Variants in BCL2L11 observed in about 807,000 individuals in gnomAD.
The protein encoded by BCL2L11 is BCL2 like 11.
Under a neutral mutation model 20.6 loss-of-function variants are expected in BCL2L11, and 15 were observed. That is an observed-to-expected ratio of 0.73 (90% CI 0.49 to 1.12). The LOEUF is 1.12. Among genes scored for constraint, BCL2L11 ranks in the 50% most tolerant of loss-of-function variants. The probability of loss-of-function intolerance (pLI) is 0.00; values close to 1 mark genes in which losing one functional copy is unlikely to be tolerated. For missense variants in BCL2L11, 292 were observed against 260.9 expected, an observed-to-expected ratio of 1.12 and a Z score of -0.82; for synonymous variants, 108 against 92.8, an observed-to-expected ratio of 1.16 and a Z score of -0.94.
At chr2:111,146,089 A>G in intron 2 of BCL2L11, 1 of 985,316 alleles carries the variant, frequency 1.0e-6, no homozygotes, top group Middle Eastern at 5.2e-4. Context: ...TGTGCTTTAA[A>G]AAAAAAATTT....
chr2:111,160,266 C>A (rs1375173736), intron 3 of BCL2L11, among the ~76,000 whole-genome samples: 1 of 152,236 alleles, frequency 6.6e-6, no homozygotes, highest in Admixed American at 6.5e-5. Flanking sequence ...CACTTCCTCT[C>A]TGGCCAGTGG....
rs558473045 is a variant in BCL2L11, at chr2:111,123,301, A to G, written c.-13-432A>G. 3.9e-5 allele frequency: 38 copies of G among 985,512 alleles called. No individual in the cohort carries two copies. The East Asian group carries it at 4.1e-3, about 106-fold the overall frequency. The allele number at this position is 985,512 out of a possible 1,614,324, so 61.0% of individuals were successfully genotyped here. A position where few individuals can be genotyped will look rare whatever the true frequency, so the allele number is the denominator to read the frequency against. ...TTTCGGCAAACAATGGGGCCGGAGC[A>G]GGGAACGCGGCCAGCCGCCTGCAAT... On this transcript the variant is annotated intron_variant, in intron 1 of 3. Coordinates refer to ENST00000393256, the MANE Select transcript of BCL2L11 (RefSeq NM_138621.5).
intron 2 of BCL2L11, among the ~76,000 whole-genome samples, chr2:111,138,776 G>A (rs2075341697): frequency 6.6e-6 from 1 of 152,174 alleles, no homozygotes; most frequent in African/African-American, 2.4e-5. Flanking sequence ...GTCGGGTCCT[G>A]CCTGCCCTCC....
At chr2:111,128,898 A>T in intron 2 of BCL2L11, 1 of 1,297,574 alleles carries the variant, frequency 7.7e-7, no homozygotes, top group Non-Finnish European at 1.0e-6. Flanking sequence ...AAAATGCACA[A>T]TTAGATTTGT....
intron 2 of BCL2L11, among the ~76,000 whole-genome samples, chr2:111,144,288 G>C (rs2076217500): frequency 6.6e-6 from 1 of 152,190 alleles, no homozygotes; most frequent in Non-Finnish European, 1.5e-5. Context: ...TTTTCATCCA[G>C]TGGCTCAGCG....
rs144112930 is a variant in BCL2L11, at chr2:111,151,798, A to G, written c.498+1651A>G. The G allele has an allele frequency of 4.6e-6, 7 of 1,518,104 alleles. No homozygotes were observed. The African/African-American group carries it at 6.9e-5, about 15-fold the overall frequency. 94.0% of individuals were successfully genotyped at this position (1,518,104 alleles called of 1,614,324 possible). A position where few individuals can be genotyped will look rare whatever the true frequency, so the allele number is the denominator to read the frequency against. ...GAAGTGTGACATTGATGGACTTAAG[A>G]ATTTCTTAAAATACTGTCTTAAGCT... On this transcript the variant is annotated intron_variant, in intron 3 of 3. Transcript: ENST00000393256.
intron 3 of BCL2L11, among the ~76,000 whole-genome samples, chr2:111,162,122 CG>C (rs2078636057): frequency 6.6e-6 from 1 of 152,204 alleles, no homozygotes; most frequent in African/African-American, 2.4e-5. Context: ...TTTTGCAATA[CG>C]GGCATACACT....
At chr2:111,152,479 A>C (rs2077369263) in intron 3 of BCL2L11, among the ~76,000 whole-genome samples, 3 of 152,262 alleles carry the variant, frequency 2.0e-5, no homozygotes, top group Admixed American at 2.0e-4. Flanking sequence ...ATATGAATGC[A>C]TGACTCCACA....
chr2:111,145,223 G>T (rs935571152), intron 2 of BCL2L11, among the ~76,000 whole-genome samples: 1 of 152,120 alleles, frequency 6.6e-6, no homozygotes, highest in African/African-American at 2.4e-5. Flanking sequence ...AATGAGGGTC[G>T]CACCACCTCG....
At chr2:111,131,898 T>G (rs373970688) in intron 2 of BCL2L11, 28 of 152,144 alleles carry the variant, frequency 1.8e-4, no homozygotes, top group East Asian at 1.2e-3. Context: ...AATATCAAAC[T>G]AAGGACAGGA....
At chr2:111,139,556 G>A (rs1376450871) in intron 2 of BCL2L11, among the ~76,000 whole-genome samples, 1 of 152,182 alleles carries the variant, frequency 6.6e-6, no homozygotes, top group Non-Finnish European at 1.5e-5. Flanking sequence ...AACTCCTTTA[G>A]TGAGAAGACA....
At position 111,160,713 on chromosome 2, in the gene BCL2L11, A is replaced by G. The variant is rs530495081; in HGVS notation, c.499-3420A>G. Among the ~76,000 whole-genome samples the G allele has an allele frequency of 1.3e-4, 20 of 152,340 alleles. No individual in the cohort carries two copies. In the South Asian group the frequency reaches 3.9e-3, roughly 30 times the overall value. Reference sequence around the variant, plus strand: ...GTGAGAGAGGAGAGAACTGTAGTATATGGTCACTTCAGTTGTAACTTACTA... The same window carrying G: ...GTGAGAGAGGAGAGAACTGTAGTATGTGGTCACTTCAGTTGTAACTTACTA... On this transcript the variant is annotated intron_variant, in intron 3 of 3. Coordinates refer to ENST00000393256, the MANE Select transcript of BCL2L11 (RefSeq NM_138621.5).
intron 3 of BCL2L11, among the ~76,000 whole-genome samples, chr2:111,158,514 A>G (rs979973538): frequency 6.6e-6 from 1 of 151,756 alleles, no homozygotes; most frequent in African/African-American, 2.4e-5. Context: ...ACAGTCCAAA[A>G]TTCAGCCTCC....
At chr2:111,135,534 C>A (rs2074707435) in intron 2 of BCL2L11, among the ~76,000 whole-genome samples, 1 of 151,808 alleles carries the variant, frequency 6.6e-6, no homozygotes, top group Admixed American at 6.6e-5. Context: ...GAAGCTGACC[C>A]CACCAGGGGT....
chr2:111,161,040 C>T (rs1420376796), intron 3 of BCL2L11, among the ~76,000 whole-genome samples: 1 of 152,156 alleles, frequency 6.6e-6, no homozygotes, highest in Non-Finnish European at 1.5e-5. Flanking sequence ...GCTGTCATCC[C>T]CTGTGTCTTC....
At chr2:111,126,908 G>A (rs1023430435) in intron 2 of BCL2L11, among the ~76,000 whole-genome samples, 2 of 152,176 alleles carry the variant, frequency 1.3e-5, no homozygotes, top group Non-Finnish European at 2.9e-5. Context: ...AGAGATCAGT[G>A]TGTCTTGAAG....
At chr2:111,128,755 CT>C in intron 2 of BCL2L11, 1 of 1,544,786 alleles carries the variant, frequency 6.5e-7, no homozygotes, top group Non-Finnish European at 8.7e-7. Context: ...CTCATGATAC[CT>C]TTTTATAGCC....
Position 111,123,829 on chromosome 2 carries a change from C to T in BCL2L11, c.84C>T (p.Leu28=), listed in dbSNP as rs754945502. ...AGCCTGCGGAGAGGCCTCCCCAGCT[C>T]AGACCTGGGGCCCCTACCTCCCTAC... The part of the protein sequence containing the change: ...QLQPAERPPQ[L]RPGAPTSLQT... The change falls in exon 2 of 4, where the codon CTC becomes CTT. Residue 28 remains leucine, a synonymous_variant. Transcript: ENST00000393256. The T allele has an allele frequency of 6.5e-7, 1 of 1,541,024 alleles. No individual in the cohort carries two copies. Among genetic ancestry groups the T allele is most frequent in the Non-Finnish European group, 8.7e-7 (1 of 1,146,396 alleles).
intron 2 of BCL2L11, among the ~76,000 whole-genome samples, chr2:111,147,385 CA>C (rs1559064753): frequency 2.0e-4 from 31 of 151,252 alleles, no homozygotes; most frequent in African/African-American, 4.1e-4. Context: ...CACACACACA[CA>C]CACACCCGCC....
Sources: gnomAD v4.1 joint callset for allele counts (sites outside exome capture counted in the v4.1 genomes callset) on GRCh38, gnomAD v4.1.1 for gene constraint, MANE v1.5 for transcripts, NCBI Gene and HGNC (gene_info 2026-07-23, HGNC 2026-07-21) for gene names.